Variants in NOP14 observed in about 807,000 individuals in gnomAD.
NOP14 encodes nucleolar protein 14.
Under a neutral mutation model 101.6 loss-of-function variants are expected in NOP14, and 57 were observed. The observed-to-expected ratio is 0.56, with a 90% CI of 0.45 to 0.70. The LOEUF is 0.70. Among genes scored for constraint, NOP14 ranks in the 30% least tolerant of loss-of-function variants. The probability of loss-of-function intolerance (pLI) is 0.00; values close to 1 mark genes in which losing one functional copy is unlikely to be tolerated. For missense variants in NOP14, 1,134 were observed against 1,075.5 expected (o/e 1.05, Z -0.76); for synonymous variants, 428 against 424.0 (o/e 1.01, Z -0.12).
chr4:2,957,190 C>T (rs1315898345), intron 2 of NOP14, among the ~76,000 whole-genome samples: 5 of 151,958 alleles, frequency 3.3e-5, no homozygotes, highest in East Asian at 3.9e-4. Context: ...TTAGTAGAGA[C>T]GGGGTTTCAT....
intron 12 of NOP14, among the ~76,000 whole-genome samples, 183 bp downstream of exon 12, chr4:2,944,945 C>G (rs1714503432): frequency 6.6e-6 from 1 of 152,218 alleles, no homozygotes; most frequent in South Asian, 2.1e-4. Flanking sequence ...CCCACTCCCA[C>G]CCACATCTGG....
At chr4:2,952,723 C>T (rs1210381508) in intron 5 of NOP14, among the ~76,000 whole-genome samples, 4 of 152,214 alleles carry the variant, frequency 2.6e-5, no homozygotes, top group Non-Finnish European at 4.4e-5. Context: ...GGGCAGATCA[C>T]GTGAGGTCAG....
intron 5 of NOP14, 108 bp downstream of exon 5, chr4:2,953,403 C>T (rs1715152480): frequency 8.2e-7 from 1 of 1,218,652 alleles, no homozygotes; most frequent in Non-Finnish European, 1.2e-6. Context: ...AGAAACTTGC[C>T]CTAAAGGAGA....
chr4:2,947,086 G>T (rs944804069), intron 10 of NOP14: 13 of 227,002 alleles, frequency 5.7e-5, no homozygotes, highest in Admixed American at 1.1e-4. Context: ...AACGAGGGCA[G>T]GAGCTCGCCC....
intron 1 of NOP14, among the ~76,000 whole-genome samples, chr4:2,959,463 G>C (rs375460861): frequency 2.7e-4 from 41 of 152,034 alleles, no homozygotes; most frequent in Admixed American, 2.2e-3. Flanking sequence ...TGTGGTGGCG[G>C]GCGCCTGTAG....
In NOP14 at chr4:2,963,164, C is replaced by G. The variant is rs370167170; in HGVS notation, c.156G>C (p.Val52=). The G allele has an allele frequency of 1.9e-6, 3 of 1,579,214 alleles. No individual in the cohort carries two copies. In the African/African-American group the frequency reaches 4.2e-5, roughly 22 times the overall value. The change falls in exon 1 of 18, where the codon GTG becomes GTC. Residue 52 remains valine (V), a synonymous_variant. Coordinates refer to ENST00000416614, the MANE Select transcript of NOP14 (RefSeq NM_001291978.2). ...QILGRKTRHD[V]GLPGVSRARA... ...GTGCGCGAGACACCCCGGGCAGTCC[C>G]ACGTCGTGGCGCGTCTTCCGGCCCA...
intron 12 of NOP14, among the ~76,000 whole-genome samples, chr4:2,944,457 AG>A (rs1369406627): frequency 1.3e-5 from 2 of 152,098 alleles, no homozygotes; most frequent in Non-Finnish European, 2.9e-5. Flanking sequence ...CCCAGGCTGG[AG>A]TGCAATGGCA....
chr4:2,959,470 G>A (rs1715572868), intron 1 of NOP14, among the ~76,000 whole-genome samples: 1 of 152,142 alleles, frequency 6.6e-6, no homozygotes, highest in East Asian at 1.9e-4. Flanking sequence ...GCGGGCGCCT[G>A]TAGTCCCAGC....
At chr4:2,960,523 C>A (rs111447144) in intron 1 of NOP14, among the ~76,000 whole-genome samples, 1 of 151,784 alleles carries the variant, frequency 6.6e-6, no homozygotes, top group African/African-American at 2.4e-5. Flanking sequence ...GTTGTGACAT[C>A]ATATGGAATT....
In NOP14 at chr4:2,939,301, C is replaced by T; in HGVS notation, c.2361G>A (p.Gln787=). 1 of 1,614,068 alleles carries T rather than the reference C, an allele frequency of 6.2e-7. No individual in the cohort carries two copies. Among genetic ancestry groups the T allele is most frequent in the Non-Finnish European group, 8.5e-7 (1 of 1,180,054 alleles). The part of the protein sequence containing the change: ...GRKQGSSKEE[Q]ERKRLIHKHK... ...GTTTGTGGATCAGCCTCTTCCTTTC[C>T]TGTTCCTCCTTACTACTGCCTTGTT... The change falls in exon 17 of 18, where the codon CAG becomes CAA. Residue 787 remains glutamine, a synonymous_variant. Transcript: ENST00000416614.
chr4:2,944,581 A>G (rs1577827400), intron 12 of NOP14, among the ~76,000 whole-genome samples: 2 of 152,090 alleles, frequency 1.3e-5, no homozygotes, highest in South Asian at 4.2e-4. Context: ...TAATTTTTGT[A>G]TTTTTAGTAG....
chr4:2,938,785 G>A lies in NOP14; in HGVS notation c.*46C>T. 2.0e-6 allele frequency: 3 copies of A among 1,499,162 alleles called. No individual in the cohort carries two copies. The highest frequency in any genetic ancestry group is 1.7e-5 in the Admixed American group (1 of 58,798). The allele number at this position is 1,499,162 out of a possible 1,614,324, so 92.9% of individuals were successfully genotyped here. A position where few individuals can be genotyped will look rare whatever the true frequency, so the allele number is the denominator to read the frequency against. ...GGCCTCCCAGAGGGTTGGAATTGCAGATGTGAGGTAATGTCCAGTTCCTTG... is the reference window on the plus strand; with the variant it reads ...GGCCTCCCAGAGGGTTGGAATTGCAAATGTGAGGTAATGTCCAGTTCCTTG... On this transcript the variant is annotated 3_prime_UTR_variant, in exon 18 of 18. Transcript: ENST00000416614.
At chr4:2,939,044 CA>C in intron 17 of NOP14, 114 bp from the exon 18 acceptor site, 1 of 1,484,390 alleles carries the variant, frequency 6.7e-7, no homozygotes, top group South Asian at 1.2e-5. Context: ...TCAGTTCAAA[CA>C]GGGGGAAGTG....
chr4:2,956,942 G>A (rs1715385052), intron 2 of NOP14, 131 bp from the exon 3 acceptor site: 6 of 763,888 alleles, frequency 7.9e-6, no homozygotes, highest in Non-Finnish European at 1.2e-5. Flanking sequence ...GCCTTAAAGA[G>A]TATTTTGGGT....
At chr4:2,942,930 G>A (rs1336716889) in intron 13 of NOP14, among the ~76,000 whole-genome samples, 4 of 152,206 alleles carry the variant, frequency 2.6e-5, no homozygotes, top group African/African-American at 7.2e-5. Context: ...TGGGTACAGT[G>A]GGGCAGAGGT....
intron 12 of NOP14, 103 bp downstream of exon 12, chr4:2,945,025 C>CCT: frequency 1.3e-6 from 1 of 777,406 alleles, no homozygotes; most frequent in South Asian, 1.6e-5. Context: ...TCTCTGCAGC[C>CCT]CTTAAACAGC....
At chr4:2,955,143 C>G (rs1246681356) in intron 3 of NOP14, among the ~76,000 whole-genome samples, 3 of 130,292 alleles carry the variant, frequency 2.3e-5, no homozygotes, top group East Asian at 2.5e-4. Flanking sequence ...TAGTCACCTG[C>G]ACCCCACGGC....
chr4:2,953,516 G>T lies in NOP14; in HGVS notation c.742C>A (p.Pro248Thr). 1.2e-6 allele frequency: 2 copies of T among 1,614,078 alleles called. No homozygotes were observed. Among genetic ancestry groups the T allele is most frequent in the East Asian group, 2.2e-5 (1 of 44,878 alleles). The change falls in exon 5 of 18, where the codon CCC (proline) becomes ACC (threonine). Residue 248 changes from proline to threonine, a missense_variant. Physicochemically the swap from Pro to Thr is conservative, Grantham distance 38 (BLOSUM62 -1). Coordinates refer to ENST00000416614, the MANE Select transcript of NOP14 (RefSeq NM_001291978.2). ...KSENRDKKEK[P>T]KPDAYDMMVR... is the part of the protein sequence containing the mutation. ...TTTCAGTACTTGGCTCCCACCTTGG[G>T]TTTTTCCTTTTTGTCTCTGTTCTCT...
intron 1 of NOP14, among the ~76,000 whole-genome samples, chr4:2,959,515 C>A (rs960035615): frequency 2.6e-5 from 4 of 152,144 alleles, no homozygotes; most frequent in Non-Finnish European, 4.4e-5. Context: ...ATGGCGTGAA[C>A]CCGGGAAGTG....
Sources: gnomAD v4.1 joint callset for allele counts (sites outside exome capture counted in the v4.1 genomes callset) on GRCh38, gnomAD v4.1.1 for gene constraint, MANE v1.5 for transcripts, NCBI Gene and HGNC (gene_info 2026-07-23, HGNC 2026-07-21) for gene names.